The following ANKRD66 variants were observed in gnomAD, a reference collection of about 807,000 sequenced individuals.
ANKRD66 encodes ankyrin repeat domain-containing protein 66.
In ANKRD66, 10 loss-of-function variants were observed where a neutral mutation model predicts 10.9. That is an observed-to-expected ratio of 0.91 (90% CI 0.56 to 1.55). The LOEUF is 1.55. Among genes scored for constraint, ANKRD66 ranks in the 40% most tolerant of loss-of-function variants. The pLI, the probability that ANKRD66 is intolerant of heterozygous loss-of-function variation, is 0.00. For missense variants in ANKRD66, 252 were observed against 242.9 expected, an observed-to-expected ratio of 1.04 and a Z score of -0.25; for synonymous variants, 85 against 88.4, an observed-to-expected ratio of 0.96 and a Z score of 0.22.
intron 4 of ANKRD66, among the ~76,000 whole-genome samples, chr6:46,754,210 A>G (rs1376926142): frequency 6.6e-6 from 1 of 152,190 alleles, no homozygotes; most frequent in African/African-American, 2.4e-5. Context: ...TTGGAATACC[A>G]AGTTTGAAGA....
chr6:46,748,006 C>T (rs1177194102), intron 1 of ANKRD66, among the ~76,000 whole-genome samples: 3 of 152,150 alleles, frequency 2.0e-5, no homozygotes, highest in Non-Finnish European at 4.4e-5. Flanking sequence ...CAAAACGGAT[C>T]ACAGACCTAA....
At position 46,749,807 on chromosome 6, in the gene ANKRD66, G is replaced by A. The variant is rs1040157710; in HGVS notation, c.-96-89G>A. 78 of 1,427,958 alleles carry A rather than the reference G, an allele frequency of 5.5e-5. No homozygotes were observed. In the African/African-American group the frequency reaches 6.1e-4, roughly 11 times the overall value. The allele number at this position is 1,427,958 out of a possible 1,614,324, so 88.5% of individuals were successfully genotyped here. ...TTTAGAGAAAGCTCTTTTACTTTCC[G>A]GTCTTTGTGAATGGTTCTTTCTCTC... On this transcript the variant is annotated intron_variant, in intron 1 of 4. Transcript: ENST00000565422.
At chr6:46,758,291 A>G (rs1359827553) in intron 4 of ANKRD66, 3 of 155,990 alleles carry the variant, frequency 1.9e-5, no homozygotes, top group Non-Finnish European at 4.3e-5. Flanking sequence ...TACGTATAAT[A>G]CATATGTGAT....
At chr6:46,751,261 C>A (rs1766263290) in intron 2 of ANKRD66, among the ~76,000 whole-genome samples, 1 of 152,104 alleles carries the variant, frequency 6.6e-6, no homozygotes, top group African/African-American at 2.4e-5. Context: ...TGTAAAAAGG[C>A]CAATAACATT....
chr6:46,749,140 C>T (rs1766208358), intron 1 of ANKRD66, among the ~76,000 whole-genome samples: 1 of 152,172 alleles, frequency 6.6e-6, no homozygotes, highest in African/African-American at 2.4e-5. Flanking sequence ...CCTCAGCAGC[C>T]CACAGCTGTG....
At chr6:46,749,324 T>C (rs1766212147) in intron 1 of ANKRD66, among the ~76,000 whole-genome samples, 1 of 152,186 alleles carries the variant, frequency 6.6e-6, no homozygotes, top group Admixed American at 6.5e-5. Flanking sequence ...GAAAGTTCAC[T>C]GGGATCTGAG....
chr6:46,756,248 T>C (rs1766381667), intron 4 of ANKRD66: 1 of 222,920 alleles, frequency 4.5e-6, no homozygotes, highest in African/African-American at 2.3e-5. Context: ...TTTAAATGTC[T>C]GTTAATTGGA....
intron 4 of ANKRD66, among the ~76,000 whole-genome samples, chr6:46,754,241 A>G (rs2150727669): frequency 6.6e-6 from 1 of 152,356 alleles, no homozygotes; most frequent in African/African-American, 2.4e-5. Context: ...TGCAAGAATC[A>G]TGACCTTCAG....
At chr6:46,753,545 G>A (rs1320793527) in intron 3 of ANKRD66, among the ~76,000 whole-genome samples, 177 bp from the exon 4 acceptor site, 1 of 152,148 alleles carries the variant, frequency 6.6e-6, no homozygotes, top group African/African-American at 2.4e-5. Context: ...GGTGAGGTAG[G>A]GCACTGAGTC....
chr6:46,752,320 C>T (rs1766288680), intron 3 of ANKRD66, among the ~76,000 whole-genome samples: 1 of 152,160 alleles, frequency 6.6e-6, no homozygotes, highest in African/African-American at 2.4e-5. Flanking sequence ...CTATAACCTC[C>T]ACCTCCTGGG....
intron 3 of ANKRD66, 81 bp downstream of exon 3, chr6:46,752,192 A>T: frequency 7.7e-7 from 1 of 1,306,850 alleles, no homozygotes. Flanking sequence ...TATGTGGGGG[A>T]GTGGAACAAA....
Position 46,749,898 on chromosome 6 carries a change from C to A in ANKRD66, c.-94C>A. 6.4e-7 allele frequency: 1 copy of A among 1,550,502 alleles called. No homozygotes were observed. On this transcript the variant is annotated splice_region_variant and 5_prime_UTR_variant, in exon 2 of 5. The change creates a new upstream start codon in the 5' untranslated region. Coordinates refer to ENST00000565422, the MANE Select transcript of ANKRD66 (RefSeq NM_001162435.3). ...TACTTTTCTTTCTCTCCCTCCAGGG[C>A]TGTTCTCACATTTCAATGCACTCAC...
At position 46,752,101 on chromosome 6, in the gene ANKRD66, T is replaced by G. The variant is rs1342225011; in HGVS notation, c.153T>G (p.Ala51=). The G allele has an allele frequency of 7.4e-6, 11 of 1,486,694 alleles. No homozygotes were observed. The highest frequency in any genetic ancestry group is 9.8e-6 in the Non-Finnish European group (11 of 1,120,482). The allele number at this position is 1,486,694 out of a possible 1,614,324, so 92.1% of individuals were successfully genotyped here. A position where few individuals can be genotyped will look rare whatever the true frequency, so the allele number is the denominator to read the frequency against. ...DWNDRTPLHW[A]AIKGQMEVIR... The stretch of plus-strand genomic sequence containing the variant: ...ATGACCGGACCCCACTTCACTGGGC[T>G]GCAATCAAAGGTGAGTGGGCAATGC... Residue 51 remains alanine, a synonymous_variant, in exon 3 of 5, where the codon GCT becomes GCG. Transcript: ENST00000565422.
At chr6:46,754,880 C>G (rs1562091514) in intron 4 of ANKRD66, among the ~76,000 whole-genome samples, 4 of 152,176 alleles carry the variant, frequency 2.6e-5, no homozygotes. Flanking sequence ...CACAGATTCA[C>G]TTTTCCCAAT....
intron 4 of ANKRD66, chr6:46,757,382 A>T (rs1392999096): frequency 6.6e-6 from 1 of 152,332 alleles, no homozygotes; most frequent in East Asian, 1.9e-4. Context: ...GAGCATTCAC[A>T]CTAGAGAGGA....
chr6:46,755,956 T>C, intron 4 of ANKRD66: 1 of 246,562 alleles, frequency 4.1e-6, no homozygotes, highest in Non-Finnish European at 8.1e-6. Flanking sequence ...GTTTCTAAAG[T>C]GTACAGTTCA....
chr6:46,754,096 G>A (rs140246208), intron 4 of ANKRD66, 146 bp downstream of exon 4: 1 of 758,696 alleles, frequency 1.3e-6, no homozygotes, highest in Non-Finnish European at 2.0e-6. Context: ...GATTTTTTTA[G>A]TTGAGTTATT....
intron 2 of ANKRD66, among the ~76,000 whole-genome samples, chr6:46,750,352 A>G (rs1766244027): frequency 6.6e-6 from 1 of 152,098 alleles, no homozygotes; most frequent in Admixed American, 6.6e-5. Flanking sequence ...AACTGTAATA[A>G]ACTTATTACA....
chr6:46,749,564 C>G (rs1365229869), intron 1 of ANKRD66, among the ~76,000 whole-genome samples: 3 of 115,636 alleles, frequency 2.6e-5, no homozygotes, highest in Non-Finnish European at 5.2e-5. Context: ...CCCCCCCCCC[C>G]CCCGCTTTTT....
Sources: gnomAD v4.1 joint callset for allele counts (sites outside exome capture counted in the v4.1 genomes callset) on GRCh38, gnomAD v4.1.1 for gene constraint, MANE v1.5 for transcripts, NCBI Gene and HGNC (gene_info 2026-07-23, HGNC 2026-07-21) for gene names.